MARCHF5: variants seen among roughly 807,000 people sequenced by gnomAD.
The protein encoded by MARCHF5 is E3 ubiquitin-protein ligase MARCHF5.
MARCHF5 carries 5 observed loss-of-function variants against 36.5 expected under a neutral mutation model. That is an observed-to-expected ratio of 0.14 (90% confidence interval 0.07 to 0.29). The LOEUF (loss-of-function observed/expected upper bound fraction) is 0.29. MARCHF5 is among the 10% of genes least tolerant of loss of function. MARCHF5 has a pLI of 1.00. For missense variants in MARCHF5, 179 were observed against 336.3 expected (o/e 0.53, Z 3.66); for synonymous variants, 103 against 109.9 (o/e 0.94, Z 0.39).
chr10:92,349,497 C>T lies in MARCHF5; in HGVS notation c.518C>T (p.Ser173Leu), dbSNP rs1843693709. The T allele has an allele frequency of 1.2e-6, 2 of 1,613,716 alleles. No homozygotes were observed. The highest frequency in any genetic ancestry group is 8.5e-7 in the Non-Finnish European group (1 of 1,179,920). ...GTGCTTAGACTGTGGCGCAAATACTCGAATAAACTACAAATTTTAAATAGT... is the reference window on the plus strand; with the variant it reads ...GTGCTTAGACTGTGGCGCAAATACTTGAATAAACTACAAATTTTAAATAGT... ...DYVLRLWRKYSNKLQILNSIF... is the reference protein window; with the variant it reads ...DYVLRLWRKYLNKLQILNSIF... The change falls in exon 4 of 6, where the codon TCG (serine) becomes TTG (leucine). Residue 173 changes from serine to leucine, a missense_variant. By Grantham distance (145) the Ser-to-Leu change is moderately radical. Transcript: ENST00000358935.
chr10:92,350,937 TCTC>T (rs112536001), intron 5 of MARCHF5, among the ~76,000 whole-genome samples, 151 bp from the exon 6 acceptor site: 2 of 152,230 alleles, frequency 1.3e-5, no homozygotes, highest in East Asian at 1.9e-4. Flanking sequence ...CCCTATCTCA[TCTC>T]CTAGTAGAAA....
intron 1 of MARCHF5, 164 bp downstream of exon 1, chr10:92,291,693 A>G: frequency 1.5e-6 from 1 of 648,528 alleles, no homozygotes; most frequent in Non-Finnish European, 1.9e-6. Context: ...GACCTGGGGG[A>G]GGACAGAGCG....
chr10:92,314,706 CA>C (rs1477745691), intron 2 of MARCHF5, among the ~76,000 whole-genome samples: 1 of 145,758 alleles, frequency 6.9e-6, no homozygotes, highest in Non-Finnish European at 1.5e-5. Context: ...TTCCTCTTGA[CA>C]AAACAGAAAA....
At chr10:92,323,374 T>G (rs994255773) in intron 2 of MARCHF5, among the ~76,000 whole-genome samples, 1 of 152,184 alleles carries the variant, frequency 6.6e-6, no homozygotes, top group African/African-American at 2.4e-5. Context: ...TCAGCGAACT[T>G]AAGTTGACAC....
chr10:92,339,292 C>T (rs1843545534), intron 2 of MARCHF5, among the ~76,000 whole-genome samples: 1 of 152,072 alleles, frequency 6.6e-6, no homozygotes, highest in South Asian at 2.1e-4. Flanking sequence ...ATCACTTGAG[C>T]CCAGGAGGCG....
At chr10:92,345,505 T>TAATGTAG (rs1298834175) in intron 3 of MARCHF5, among the ~76,000 whole-genome samples, 1 of 151,970 alleles carries the variant, frequency 6.6e-6, no homozygotes, top group African/African-American at 2.4e-5. Flanking sequence ...TCTAATTAAT[T>TAATGTAG]AATGTAGAAT....
At chr10:92,304,614 C>T (rs1374296268) in intron 1 of MARCHF5, among the ~76,000 whole-genome samples, 4 of 152,114 alleles carry the variant, frequency 2.6e-5, no homozygotes, top group Non-Finnish European at 4.4e-5. Context: ...TTAGTTATTT[C>T]GGGATCTCTA....
intron 3 of MARCHF5, among the ~76,000 whole-genome samples, chr10:92,347,102 A>G (rs1055786297): frequency 1.3e-5 from 2 of 152,178 alleles, no homozygotes; most frequent in Non-Finnish European, 2.9e-5. Flanking sequence ...CCAGCTACTC[A>G]GGAGGGTGAG....
chr10:92,293,957 C>T (rs941751747), intron 1 of MARCHF5, among the ~76,000 whole-genome samples: 2 of 152,072 alleles, frequency 1.3e-5, no homozygotes, highest in African/African-American at 4.8e-5. Context: ...TTTCAAAGAC[C>T]GTTATTGTCT....
intron 1 of MARCHF5, among the ~76,000 whole-genome samples, chr10:92,309,718 T>C (rs1291680750): frequency 6.6e-6 from 1 of 152,160 alleles, no homozygotes; most frequent in Non-Finnish European, 1.5e-5. Flanking sequence ...AGTCCTACTA[T>C]GGGTAGTCTT....
chr10:92,294,525 A>G (rs150219825), intron 1 of MARCHF5, among the ~76,000 whole-genome samples: 10 of 152,300 alleles, frequency 6.6e-5, no homozygotes, highest in East Asian at 5.8e-4. Flanking sequence ...AGGAATACCA[A>G]CAGGGCCAAG....
chr10:92,322,719 A>G (rs1843305217), intron 2 of MARCHF5, among the ~76,000 whole-genome samples: 1 of 148,934 alleles, frequency 6.7e-6, no homozygotes, highest in South Asian at 2.1e-4. Flanking sequence ...AAAGTGCACC[A>G]TCACATCTAG....
Position 92,296,593 on chromosome 10 carries a change from G to A in MARCHF5, c.35+5064G>A, listed in dbSNP as rs139077239. ...CTGATTTGAAGCCTGGACCTACTGA[G>A]AAATGCTTTTGGAAACTACTTCTGC... is the stretch of plus-strand genomic sequence containing the variant. On this transcript the variant is annotated intron_variant, in intron 1 of 5. Transcript: ENST00000358935. Among the ~76,000 whole-genome samples, 348 of 152,262 alleles carry A rather than the reference G, an allele frequency of 2.3e-3. 1 individual carries two copies. The highest frequency in any genetic ancestry group is 7.3e-3 in the African/African-American group (303 of 41,546).
At position 92,326,364 on chromosome 10, in the gene MARCHF5, A is replaced by C. The variant is rs1365805538; in HGVS notation, c.239-14309A>C. On this transcript the variant is annotated intron_variant, in intron 2 of 5. Coordinates refer to ENST00000358935, the MANE Select transcript of MARCHF5 (RefSeq NM_017824.5). ...TATTGTCCTCAGTTTGTAGATAAGA[A>C]GTAGACTCAGCAAATTTATGTAATG... Among the ~76,000 whole-genome samples the C allele has an allele frequency of 2.0e-5, 3 of 152,148 alleles. No homozygotes were observed. In the East Asian group the frequency reaches 5.8e-4, roughly 29 times the overall value.
chr10:92,338,357 T>C (rs17107562), intron 2 of MARCHF5, among the ~76,000 whole-genome samples: 2,438 of 152,296 alleles, frequency 0.016, 63 homozygotes, highest in African/African-American at 0.056. Flanking sequence ...AATTTGTATG[T>C]CTTGAGAATT....
At chr10:92,340,837 G>A in intron 3 of MARCHF5, 34 bp downstream of exon 3, 1 of 1,516,842 alleles carries the variant, frequency 6.6e-7, no homozygotes. Context: ...GATATTACTT[G>A]GTGTGAAGAT....
chr10:92,351,901 C>CTGT lies in MARCHF5; in HGVS notation c.*694_*695insTGT, dbSNP rs1843718415. On this transcript the variant is annotated 3_prime_UTR_variant, in exon 6 of 6. Transcript: ENST00000358935. ...ATGAAGTAATTTTGACTCATGCAGT[C>CTGT]GTGTGTGTGTGTGTGTGTGTGTGTG... The CTGT allele has an allele frequency of 7.1e-6, 1 of 141,232 alleles. No individual in the cohort carries two copies. Among genetic ancestry groups the CTGT allele is most frequent in the African/African-American group, 2.6e-5 (1 of 38,404 alleles). The allele number at this position is 141,232 out of a possible 1,614,324, so 8.7% of individuals were successfully genotyped here. A position where few individuals can be genotyped will look rare whatever the true frequency, so the allele number is the denominator to read the frequency against.
chr10:92,329,263 A>G (rs148247801), intron 2 of MARCHF5, among the ~76,000 whole-genome samples: 25 of 152,282 alleles, frequency 1.6e-4, no homozygotes, highest in Admixed American at 1.6e-3. Flanking sequence ...ATGCTTTGCC[A>G]GTAGGATGTG....
intron 2 of MARCHF5, among the ~76,000 whole-genome samples, chr10:92,324,115 A>C (rs1211443276): frequency 6.6e-6 from 1 of 152,176 alleles, no homozygotes; most frequent in Non-Finnish European, 1.5e-5. Context: ...ATCTCATTTT[A>C]ATTTGAAATT....
Sources: gnomAD v4.1 joint callset for allele counts (sites outside exome capture counted in the v4.1 genomes callset) on GRCh38, gnomAD v4.1.1 for gene constraint, MANE v1.5 for transcripts, NCBI Gene and HGNC (gene_info 2026-07-23, HGNC 2026-07-21) for gene names.